The following SYT14 variants were observed in gnomAD, a reference collection of about 807,000 sequenced individuals.
SYT14 encodes synaptotagmin-14.
In SYT14, 32 loss-of-function variants were observed where a neutral mutation model predicts 74.2. The observed-to-expected ratio is 0.43, with a 90% CI of 0.33 to 0.58. The LOEUF (loss-of-function observed/expected upper bound fraction) is 0.58. Among genes scored for constraint, SYT14 ranks in the 20% least tolerant of loss-of-function variants. The pLI is 0.05. For missense variants in SYT14, 791 were observed against 981.8 expected (o/e 0.81, Z 2.60); for synonymous variants, 298 against 337.7 (o/e 0.88, Z 1.29).
intron 2 of SYT14, among the ~76,000 whole-genome samples, chr1:210,001,676 G>A (rs554330133): frequency 9.3e-4 from 141 of 152,262 alleles, no homozygotes; most frequent in Middle Eastern, 6.8e-3. Flanking sequence ...GGTGAGGTAT[G>A]GGTGTTAATG....
chr1:210,130,061 G>C lies in SYT14; in HGVS notation c.2035-25660G>C, dbSNP rs188504799. On this transcript the variant is annotated intron_variant, in intron 7 of 9. Coordinates refer to ENST00000637265, the Ensembl canonical transcript of SYT14. ...ACTGTTGAGTTCTGAAATATCTGTC[G>C]GGTCTGACCATAGACTTAACATGAA... is the stretch of plus-strand genomic sequence containing the variant. Among the ~76,000 whole-genome samples the C allele has an allele frequency of 2.6e-5, 4 of 152,192 alleles. No individual in the cohort carries two copies. The East Asian group carries it at 7.7e-4, about 29-fold the overall frequency.
chr1:210,109,999 C>G (rs1188543547), intron 7 of SYT14, among the ~76,000 whole-genome samples: 2 of 152,156 alleles, frequency 1.3e-5, no homozygotes, highest in South Asian at 2.1e-4. Context: ...CCATCATTCT[C>G]AGCAAACTAA....
At chr1:209,975,786 C>T (rs1303577247) in intron 2 of SYT14, among the ~76,000 whole-genome samples, 1 of 152,168 alleles carries the variant, frequency 6.6e-6, no homozygotes, top group Non-Finnish European at 1.5e-5. Flanking sequence ...ATGATACCAG[C>T]TCCTCCTTGT....
chr1:210,143,355 C>G (rs4844952), intron 7 of SYT14, among the ~76,000 whole-genome samples: 1 of 151,906 alleles, frequency 6.6e-6, no homozygotes, highest in East Asian at 1.9e-4. Flanking sequence ...CCAGAAATGT[C>G]TATATTTTGC....
At chr1:210,047,092 A>ATAATTATTCTAATTAAC (rs2080899178) in intron 5 of SYT14, among the ~76,000 whole-genome samples, 1 of 152,100 alleles carries the variant, frequency 6.6e-6, no homozygotes, top group East Asian at 1.9e-4. Flanking sequence ...GTATAGTTAA[A>ATAATTATTCTAATTAAC]TAATTATTCT....
chr1:209,947,522 G>T lies in SYT14; in HGVS notation c.-533-5187G>T, dbSNP rs548494482. Among the ~76,000 whole-genome samples the T allele has an allele frequency of 4.6e-5, 7 of 152,332 alleles. No individual in the cohort carries two copies. The East Asian group carries it at 9.6e-4, about 21-fold the overall frequency. On this transcript the variant is annotated intron_variant, in intron 1 of 9. Coordinates refer to ENST00000637265, the Ensembl canonical transcript of SYT14. The stretch of plus-strand genomic sequence containing the variant: ...CAAGAGAACTAGAATTAGAAGTGGA[G>T]CCTGAATATGTGACTACATTGCTGA...
intron 7 of SYT14, among the ~76,000 whole-genome samples, chr1:210,141,745 C>G (rs1243403672): frequency 6.6e-6 from 1 of 152,174 alleles, no homozygotes; most frequent in East Asian, 1.9e-4. Context: ...TTCAATGCTC[C>G]AAGAGTCAGT....
intron 4 of SYT14, among the ~76,000 whole-genome samples, chr1:210,018,140 T>C (rs781775039): frequency 6.6e-5 from 10 of 152,094 alleles, no homozygotes; most frequent in Non-Finnish European, 1.3e-4. Flanking sequence ...AGCAGTTTTT[T>C]GTTTTTTGTT....
At chr1:210,064,911 C>T (rs560495568) in intron 5 of SYT14, among the ~76,000 whole-genome samples, 40 of 152,172 alleles carry the variant, frequency 2.6e-4, no homozygotes, top group Admixed American at 6.6e-4. Context: ...TTCCTCCACA[C>T]CCTCGCCAAC....
chr1:210,001,767 G>A (rs184413577), intron 2 of SYT14, among the ~76,000 whole-genome samples: 2 of 152,266 alleles, frequency 1.3e-5, no homozygotes, highest in East Asian at 3.9e-4. Context: ...GGAGGTGAAA[G>A]AATCAGTTAT....
chr1:210,067,158 G>C (rs936187192), intron 5 of SYT14, among the ~76,000 whole-genome samples: 1 of 151,960 alleles, frequency 6.6e-6, no homozygotes, highest in Admixed American at 6.6e-5. Flanking sequence ...TGATCTACGT[G>C]TCTGTCCTCT....
intron 5 of SYT14, among the ~76,000 whole-genome samples, chr1:210,030,839 G>A (rs113752620): frequency 2.2e-4 from 34 of 152,242 alleles, no homozygotes; most frequent in African/African-American, 7.7e-4. Flanking sequence ...TCTTGAGAGA[G>A]GTTTAGGAAC....
chr1:210,148,369 C>A (rs1485798814), intron 7 of SYT14, among the ~76,000 whole-genome samples: 1 of 151,864 alleles, frequency 6.6e-6, no homozygotes, highest in African/African-American at 2.4e-5. Flanking sequence ...ATTAGCCGGG[C>A]GTGGTGGCGG....
chr1:209,941,500 T>TAC (rs928850673), intron 1 of SYT14, among the ~76,000 whole-genome samples: 2 of 152,228 alleles, frequency 1.3e-5, no homozygotes, highest in Non-Finnish European at 2.9e-5. Flanking sequence ...TGGCCTCTGT[T>TAC]AATCTGATAG....
chr1:209,961,292 G>A (rs1242113502), intron 2 of SYT14, among the ~76,000 whole-genome samples: 1 of 152,066 alleles, frequency 6.6e-6, no homozygotes, highest in East Asian at 1.9e-4. Flanking sequence ...CTTTTTGGGG[G>A]CTGGGATAGG....
intron 7 of SYT14, among the ~76,000 whole-genome samples, chr1:210,110,805 C>T (rs922486233): frequency 3.3e-5 from 5 of 152,158 alleles, no homozygotes; most frequent in South Asian, 4.1e-4. Flanking sequence ...AGTGCAATGG[C>T]GCGATCTCAG....
chr1:210,033,501 A>G (rs930290708), intron 5 of SYT14, among the ~76,000 whole-genome samples: 10 of 151,800 alleles, frequency 6.6e-5, no homozygotes, highest in Non-Finnish European at 8.9e-5. Context: ...GTGTGAGTCA[A>G]AAATTACCTT....
intron 3 of SYT14, among the ~76,000 whole-genome samples, chr1:210,014,154 T>C (rs2080140104): frequency 6.6e-6 from 1 of 152,186 alleles, no homozygotes; most frequent in Non-Finnish European, 1.5e-5. Flanking sequence ...GAGCTTTTTT[T>C]CTCCATATCC....
At chr1:210,106,436 C>G (rs1450685746) in intron 7 of SYT14, among the ~76,000 whole-genome samples, 1 of 152,050 alleles carries the variant, frequency 6.6e-6, no homozygotes, top group Admixed American at 6.6e-5. Context: ...AAAGACATAC[C>G]CAAGCCTGGG....
Sources: gnomAD v4.1 joint callset for allele counts (sites outside exome capture counted in the v4.1 genomes callset) on GRCh38, gnomAD v4.1.1 for gene constraint, MANE v1.5 for transcripts, NCBI Gene and HGNC (gene_info 2026-07-23, HGNC 2026-07-21) for gene names.